EPC2: variants seen among roughly 807,000 people sequenced by gnomAD.
The protein encoded by EPC2 is enhancer of polycomb homolog 2.
EPC2 carries 14 observed loss-of-function variants against 92.1 expected under a neutral mutation model. That is an observed-to-expected ratio of 0.15 (90% CI 0.10 to 0.24). EPC2 has a LOEUF of 0.24. Ranked by LOEUF, EPC2 falls within the 10% of genes least tolerant of loss-of-function variation. EPC2 has a pLI of 1.00. For missense variants in EPC2, 755 were observed against 971.5 expected (o/e 0.78, Z 2.96); for synonymous variants, 340 against 334.7 (o/e 1.02, Z -0.17).
intron 12 of EPC2, 38 bp downstream of exon 12, chr2:148,783,794 A>C (rs748979819): frequency 2.6e-6 from 4 of 1,553,536 alleles, no homozygotes; most frequent in Non-Finnish European, 8.7e-7. Flanking sequence ...ACTTTCTTGA[A>C]GTTGTAACTC....
chr2:148,645,199 C>CT (rs776818211), intron 1 of EPC2, 29 bp downstream of exon 1: 7 of 1,541,524 alleles, frequency 4.5e-6, no homozygotes, highest in Non-Finnish European at 5.3e-6. Flanking sequence ...ATTACCCCCC[C>CT]TTCCCTCCTC....
intron 10 of EPC2, among the ~76,000 whole-genome samples, chr2:148,778,199 C>T (rs1179766589): frequency 6.6e-6 from 1 of 152,112 alleles, no homozygotes; most frequent in Non-Finnish European, 1.5e-5. Flanking sequence ...GCATGAATTT[C>T]ACTTTTAAGC....
At chr2:148,701,586 T>C (rs776567585) in intron 2 of EPC2, among the ~76,000 whole-genome samples, 4 of 152,174 alleles carry the variant, frequency 2.6e-5, no homozygotes, top group African/African-American at 4.8e-5. Flanking sequence ...AAATCCCACT[T>C]GGTCTTGGTG....
At chr2:148,653,920 AAGTT>A (rs1680735926) in intron 1 of EPC2, among the ~76,000 whole-genome samples, 1 of 151,522 alleles carries the variant, frequency 6.6e-6, no homozygotes, top group African/African-American at 2.4e-5. Flanking sequence ...AGTATCTGAA[AAGTT>A]AGTTTTAAAG....
chr2:148,754,765 C>T (rs1209284786), intron 4 of EPC2, among the ~76,000 whole-genome samples: 1 of 152,170 alleles, frequency 6.6e-6, no homozygotes, highest in African/African-American at 2.4e-5. Flanking sequence ...AATTGATGAG[C>T]TTGTTCCCAT....
At chr2:148,719,173 T>C (rs954572128) in intron 2 of EPC2, among the ~76,000 whole-genome samples, 20 of 152,198 alleles carry the variant, frequency 1.3e-4, no homozygotes, top group African/African-American at 4.1e-4. Context: ...CTACTTTGCA[T>C]TGGGTTAAAA....
At chr2:148,706,740 C>G (rs1435079967) in intron 2 of EPC2, among the ~76,000 whole-genome samples, 3 of 152,072 alleles carry the variant, frequency 2.0e-5, no homozygotes, top group African/African-American at 7.2e-5. Context: ...TCATATCCAG[C>G]CAAACTAAGC....
Position 148,764,344 on chromosome 2 carries a change from T to TG in EPC2, c.949-606dup, listed in dbSNP as rs144582462. Among the ~76,000 whole-genome samples, 1,474 of 152,122 alleles carry TG rather than the reference T, an allele frequency of 9.7e-3. 23 individuals carry two copies. The highest frequency in any genetic ancestry group is 0.033 in the African/African-American group (1,384 of 41,492). ...ACAGAGCTGCTCTGTTGAGGGGAGGTGGGGGCTGGAAACCTACCCCTTCAG... is the reference window on the plus strand; with the variant it reads ...ACAGAGCTGCTCTGTTGAGGGGAGGTGGGGGGCTGGAAACCTACCCCTTCAG... On this transcript the variant is annotated intron_variant, in intron 6 of 13. Transcript: ENST00000258484.
chr2:148,685,522 A>G (rs1681498543), intron 1 of EPC2, among the ~76,000 whole-genome samples: 1 of 152,214 alleles, frequency 6.6e-6, no homozygotes, highest in Admixed American at 6.5e-5. Context: ...GCACTTTGGG[A>G]GGCTGAGGTG....
At chr2:148,665,192 G>A (rs1405178702) in intron 1 of EPC2, among the ~76,000 whole-genome samples, 1 of 152,032 alleles carries the variant, frequency 6.6e-6, no homozygotes, top group African/African-American at 2.4e-5. Flanking sequence ...ATTCTTGGTT[G>A]TTTTCATATA....
intron 1 of EPC2, among the ~76,000 whole-genome samples, chr2:148,664,612 T>G (rs1301582003): frequency 6.6e-6 from 1 of 152,242 alleles, no homozygotes; most frequent in African/African-American, 2.4e-5. Flanking sequence ...ATAGTCAAGA[T>G]AATCAACAGA....
At chr2:148,676,243 AATT>A (rs1681258950) in intron 1 of EPC2, among the ~76,000 whole-genome samples, 1 of 152,128 alleles carries the variant, frequency 6.6e-6, no homozygotes, top group African/African-American at 2.4e-5. Context: ...GCTCAAGCGT[AATT>A]ATAGTAGGTT....
intron 2 of EPC2, among the ~76,000 whole-genome samples, chr2:148,693,250 C>T (rs1681678059): frequency 6.6e-6 from 1 of 152,098 alleles, no homozygotes; most frequent in Non-Finnish European, 1.5e-5. Context: ...AGAGAATCCC[C>T]ATTCACTTGG....
At chr2:148,754,770 T>C (rs1024170608) in intron 4 of EPC2, among the ~76,000 whole-genome samples, 1 of 152,192 alleles carries the variant, frequency 6.6e-6, no homozygotes, top group African/African-American at 2.4e-5. Context: ...ATGAGCTTGT[T>C]CCCATCTGGC....
intron 1 of EPC2, among the ~76,000 whole-genome samples, chr2:148,649,069 A>G (rs1680586485): frequency 6.6e-6 from 1 of 152,256 alleles, no homozygotes; most frequent in South Asian, 2.1e-4. Context: ...CCGCCTCCCC[A>G]TGAGTGTTGT....
Position 148,783,571 on chromosome 2 carries a change from A to G in EPC2, c.1858-26A>G, listed in dbSNP as rs530960476. On this transcript the variant is annotated intron_variant, in intron 11 of 13. Transcript: ENST00000258484. ...TCATAAAATCACATCTAAAAATTAG[A>G]GTGTTTAACTTTGTTCATTTTATAG... 20 of 1,577,906 alleles carry G rather than the reference A, an allele frequency of 1.3e-5. No individual in the cohort carries two copies. In the South Asian group the frequency reaches 2.3e-4, roughly 18 times the overall value.
At chr2:148,758,101 A>T (rs1412493925) in intron 4 of EPC2, among the ~76,000 whole-genome samples, 1 of 142,978 alleles carries the variant, frequency 7.0e-6, no homozygotes, top group African/African-American at 2.5e-5. Flanking sequence ...TGAGCATCAA[A>T]ATAGATTATG....
At chr2:148,706,391 G>A (rs1332223805) in intron 2 of EPC2, among the ~76,000 whole-genome samples, 5 of 152,100 alleles carry the variant, frequency 3.3e-5, no homozygotes, top group South Asian at 2.1e-4. Context: ...TGAAAGTGGC[G>A]GGGAGAATGG....
intron 10 of EPC2, among the ~76,000 whole-genome samples, chr2:148,780,181 T>G (rs1476014043): frequency 6.6e-6 from 1 of 152,180 alleles, no homozygotes; most frequent in Non-Finnish European, 1.5e-5. Context: ...ACAGGTAATA[T>G]AAAATTTTGG....
Sources: allele counts gnomAD v4.1 joint callset (sites outside exome capture counted in the v4.1 genomes callset), GRCh38; gene constraint gnomAD v4.1.1; transcripts MANE v1.5; gene names NCBI Gene and HGNC (gene_info 2026-07-23, HGNC 2026-07-21).